Variants in ADGRV1 observed in about 807,000 individuals in gnomAD.
ADGRV1 encodes the protein G-protein coupled receptor 98.
A neutral mutation model predicts 596.2 loss-of-function variants in ADGRV1; 359 were observed. The ratio of observed to expected loss-of-function variants is 0.60; its 90% CI spans 0.55 to 0.66. ADGRV1 has a LOEUF of 0.66. Among genes scored for constraint, ADGRV1 ranks in the 30% least tolerant of loss-of-function variants. The pLI, the probability that ADGRV1 is intolerant of heterozygous loss-of-function variation, is 0.00. For missense variants in ADGRV1, 7,274 were observed against 7,575.6 expected (o/e 0.96, Z 1.48); for synonymous variants, 2,681 against 2,679.2 (o/e 1.00, Z -0.02).
At chr5:90,999,557 T>G (rs1781695370) in intron 85 of ADGRV1, among the ~76,000 whole-genome samples, 1 of 152,066 alleles carries the variant, frequency 6.6e-6, no homozygotes, top group Admixed American at 6.6e-5. Flanking sequence ...ATTGTAAAAT[T>G]GCGGGTGGCA....
At chr5:90,937,692 C>G (rs901260427) in intron 83 of ADGRV1, among the ~76,000 whole-genome samples, 1 of 152,198 alleles carries the variant, frequency 6.6e-6, no homozygotes, top group Non-Finnish European at 1.5e-5. Context: ...CTTCTGACCC[C>G]ATGATCCGCC....
chr5:90,809,293 T>TAC lies in ADGRV1; in HGVS notation c.14973-907_14973-906dup, dbSNP rs60659185. On this transcript the variant is annotated intron_variant, in intron 73 of 89. Transcript: ENST00000405460. ...GTGCTTACTCTAGGCCGGGCATAAA[T>TAC]ACACACACACACACACACACACACA... Among the ~76,000 whole-genome samples the TAC allele has an allele frequency of 5.0e-3, 677 of 134,614 alleles. 16 individuals are homozygous for TAC. Among genetic ancestry groups the TAC allele is most frequent in the African/African-American group, 0.017 (615 of 35,378 alleles). 88.3% of individuals were successfully genotyped at this position (134,614 alleles called of 152,430 possible). A position where few individuals can be genotyped will look rare whatever the true frequency, so the allele number is the denominator to read the frequency against.
At chr5:90,727,851 A>T (rs1452712392) in intron 48 of ADGRV1, among the ~76,000 whole-genome samples, 2 of 152,106 alleles carry the variant, frequency 1.3e-5, no homozygotes, top group East Asian at 1.9e-4. Flanking sequence ...ATAATGACAA[A>T]TTTTTTCTGT....
chr5:90,980,277 A>T (rs1365793538), intron 84 of ADGRV1, among the ~76,000 whole-genome samples: 2 of 152,186 alleles, frequency 1.3e-5, no homozygotes, highest in South Asian at 2.1e-4. Context: ...AGCTAAAAAA[A>T]TTTTCATTTA....
intron 70 of ADGRV1, among the ~76,000 whole-genome samples, chr5:90,795,100 T>G (rs1172675233): frequency 1.3e-5 from 2 of 150,798 alleles, no homozygotes; most frequent in African/African-American, 2.4e-5. Flanking sequence ...TTTTTTTTTT[T>G]TTTTTTTTTC....
At chr5:90,729,603 C>T (rs766962493) in intron 49 of ADGRV1, 39 bp from the exon 50 acceptor site, 58 of 1,501,122 alleles carry the variant, frequency 3.9e-5, no homozygotes, top group Admixed American at 9.7e-5. Flanking sequence ...TTTTCTGTAA[C>T]TTTTGCATTA....
Position 90,651,657 on chromosome 5 carries a change from G to C in ADGRV1, c.3343G>C (p.Asp1115His). ...GVATVIIEAN[D>H]DPNGIFSLEP... ...AGCTACAGTAATAATTGAAGCTAATGATGACCCAAATGGCATTTTTTCTCT... is the reference window on the plus strand; with the variant it reads ...AGCTACAGTAATAATTGAAGCTAATCATGACCCAAATGGCATTTTTTCTCT... The change falls in exon 18 of 90, where the codon GAT becomes CAT. Residue 1115 changes from aspartate to histidine, a missense_variant. Physicochemically the swap from Asp to His is moderately conservative, Grantham distance 81 (BLOSUM62 -1). Transcript: ENST00000405460. The C allele has an allele frequency of 6.2e-7, 1 of 1,612,250 alleles. No individual in the cohort carries two copies. The highest frequency in any genetic ancestry group is 8.5e-7 in the Non-Finnish European group (1 of 1,178,676).
intron 85 of ADGRV1, among the ~76,000 whole-genome samples, chr5:91,009,051 T>C (rs1782517976): frequency 6.6e-6 from 1 of 152,154 alleles, no homozygotes; most frequent in Admixed American, 6.6e-5. Context: ...AGATAATCTG[T>C]TGCATTTATA....
chr5:90,746,578 T>C (rs1262588381), intron 52 of ADGRV1, among the ~76,000 whole-genome samples: 1 of 152,206 alleles, frequency 6.6e-6, no homozygotes, highest in Middle Eastern at 3.2e-3. Context: ...TACTCTACCA[T>C]GTCATTTTGG....
chr5:90,863,631 C>T (rs1010889227), intron 82 of ADGRV1, 126 bp from the exon 83 acceptor site: 17 of 714,510 alleles, frequency 2.4e-5, no homozygotes, highest in Admixed American at 2.2e-4. Flanking sequence ...TCATCTTTTC[C>T]AGAGGTACTG....
chr5:90,905,008 T>C (rs1280543083), intron 83 of ADGRV1, among the ~76,000 whole-genome samples: 3 of 152,166 alleles, frequency 2.0e-5, no homozygotes, highest in East Asian at 3.9e-4. Flanking sequence ...TTTTTCTCAG[T>C]GTATGTTCTT....
At chr5:91,066,123 C>G (rs1178123987) in intron 85 of ADGRV1, among the ~76,000 whole-genome samples, 1 of 152,328 alleles carries the variant, frequency 6.6e-6, no homozygotes, top group Non-Finnish European at 1.5e-5. Context: ...ATTTTCTCTT[C>G]TCATATCTGC....
chr5:90,871,105 T>A (rs1411087591), intron 83 of ADGRV1, among the ~76,000 whole-genome samples: 4 of 152,128 alleles, frequency 2.6e-5, no homozygotes, highest in Admixed American at 2.0e-4. Flanking sequence ...CAATCAATCA[T>A]GAAACAAATT....
At chr5:90,603,626 C>T (rs1260875972) in intron 1 of ADGRV1, among the ~76,000 whole-genome samples, 1 of 152,072 alleles carries the variant, frequency 6.6e-6, no homozygotes, top group Non-Finnish European at 1.5e-5. Context: ...CTTGTCTAAA[C>T]TTCTACAGCT....
At chr5:91,041,041 A>T (rs184944037) in intron 85 of ADGRV1, among the ~76,000 whole-genome samples, 1 of 152,304 alleles carries the variant, frequency 6.6e-6, no homozygotes, top group Non-Finnish European at 1.5e-5. Context: ...TGTTGGTGGG[A>T]GTGTAAATTA....
intron 1 of ADGRV1, among the ~76,000 whole-genome samples, chr5:90,610,250 T>C (rs555716612): frequency 2.0e-5 from 3 of 152,080 alleles, no homozygotes; most frequent in South Asian, 4.1e-4. Context: ...TATTTGATGC[T>C]CTTATGGGCT....
At position 90,965,461 on chromosome 5, in the gene ADGRV1, A is replaced by G; in HGVS notation, c.17903A>G (p.Glu5968Gly). The G allele has an allele frequency of 1.2e-6, 2 of 1,613,876 alleles. No homozygotes were observed. The highest frequency in any genetic ancestry group is 1.7e-6 in the Non-Finnish European group (2 of 1,179,772). The change falls in exon 84 of 90, where the codon GAG (glutamate) becomes GGG (glycine). Residue 5968 changes from glutamate (E) to glycine (G), a missense_variant. Physicochemically the swap from Glu to Gly is moderately conservative, Grantham distance 98. Coordinates refer to ENST00000405460, the MANE Select transcript of ADGRV1 (RefSeq NM_032119.4). ...SAYASPQLAEESCSAMAAVTH... is the reference protein window; with the variant it reads ...SAYASPQLAEGSCSAMAAVTH... ...TACGCAAGTCCCCAACTCGCTGAGGAGAGCTGTTCAGCTATGGCTGCTGTC... is the reference window on the plus strand; with the variant it reads ...TACGCAAGTCCCCAACTCGCTGAGGGGAGCTGTTCAGCTATGGCTGCTGTC...
At chr5:90,885,780 G>T (rs1348772086) in intron 83 of ADGRV1, among the ~76,000 whole-genome samples, 1 of 152,082 alleles carries the variant, frequency 6.6e-6, no homozygotes, top group Non-Finnish European at 1.5e-5. Flanking sequence ...CCCATAATTT[G>T]TCTGGCCCTT....
Position 91,096,284 on chromosome 5 carries a change from G to A in ADGRV1, c.18311-5935G>A, listed in dbSNP as rs185922482. Among the ~76,000 whole-genome samples, 43 of 152,276 alleles carry A rather than the reference G, an allele frequency of 2.8e-4. No homozygotes were observed. The Middle Eastern group carries it at 0.01, about 36-fold the overall frequency. On this transcript the variant is annotated intron_variant, in intron 86 of 89. Coordinates refer to ENST00000405460, the MANE Select transcript of ADGRV1 (RefSeq NM_032119.4). ...GTTGTCAGTGGTGCATAGCAATAAA[G>A]CCAAGGCTGCAATTACAAAGAAAAC...
Sources: gnomAD v4.1 joint callset for allele counts (sites outside exome capture counted in the v4.1 genomes callset) on GRCh38, gnomAD v4.1.1 for gene constraint, MANE v1.5 for transcripts, NCBI Gene and HGNC (gene_info 2026-07-23, HGNC 2026-07-21) for gene names.